AKAP19: variants seen among roughly 807,000 people sequenced by gnomAD.
AKAP19 encodes the protein A-kinase anchoring protein 19, also known as small A-kinase anchoring protein.
the AKAP19 span, among the ~76,000 whole-genome samples, chr2:190,011,000 T>C: frequency 6.6e-6 from 1 of 151,870 alleles, no homozygotes; most frequent in East Asian, 1.9e-4. Flanking sequence ...CAGGTTATGG[T>C]TTGTAAATAT....
At chr2:190,127,767 C>T in the AKAP19 span, among the ~76,000 whole-genome samples, 1 of 151,958 alleles carries the variant, frequency 6.6e-6, no homozygotes, top group Non-Finnish European at 1.5e-5. Flanking sequence ...TTATTTCTCC[C>T]TTCTCTGGCC....
At chr2:190,133,459 T>C in the AKAP19 span, among the ~76,000 whole-genome samples, 1 of 152,148 alleles carries the variant, frequency 6.6e-6, no homozygotes, top group Non-Finnish European at 1.5e-5. Context: ...GGAACTGTTA[T>C]ATACGGTTGC....
chr2:189,895,946 T>C, the AKAP19 span, among the ~76,000 whole-genome samples: 1 of 150,690 alleles, frequency 6.6e-6, no homozygotes, highest in Admixed American at 6.6e-5. Flanking sequence ...GAGACGGAGG[T>C]TGCAGTGAGC....
At chr2:189,909,150 T>C in the AKAP19 span, among the ~76,000 whole-genome samples, 2 of 152,002 alleles carry the variant, frequency 1.3e-5, no homozygotes, top group Admixed American at 1.3e-4. Flanking sequence ...ATTTCAAGTC[T>C]ATTTTGTCTG....
the AKAP19 span, among the ~76,000 whole-genome samples, chr2:189,998,190 CTG>C: frequency 6.6e-6 from 1 of 152,122 alleles, no homozygotes. Context: ...TTCAAAGAAT[CTG>C]TGAATTCTCT....
the AKAP19 span, among the ~76,000 whole-genome samples, chr2:189,937,240 G>A: frequency 6.6e-6 from 1 of 152,218 alleles, no homozygotes; most frequent in Admixed American, 6.5e-5. Context: ...GACTACAAAG[G>A]AACCTGAAGG....
At chr2:189,923,617 A>T in the AKAP19 span, 47 of 1,614,016 alleles carry the variant, frequency 2.9e-5, no homozygotes, top group Non-Finnish European at 3.9e-5. Context: ...ACCGAGGAAA[A>T]GCAGGTGTGA....
At chr2:189,928,328 A>G in the AKAP19 span, among the ~76,000 whole-genome samples, 1 of 152,148 alleles carries the variant, frequency 6.6e-6, no homozygotes, top group Non-Finnish European at 1.5e-5. Context: ...TCATTGATCT[A>G]TTTCCATTGT....
chr2:190,123,423 G>A, the AKAP19 span, among the ~76,000 whole-genome samples: 4 of 152,066 alleles, frequency 2.6e-5, no homozygotes, highest in Admixed American at 6.5e-5. Flanking sequence ...TTGATATTTA[G>A]GTGTGAAGGT....
chr2:189,969,918 G>A, the AKAP19 span, among the ~76,000 whole-genome samples: 28 of 129,562 alleles, frequency 2.2e-4, no homozygotes, highest in African/African-American at 6.4e-4. Context: ...GGTTGCCCAA[G>A]CTGGAGTGCA....
At chr2:189,891,765 T>G in the AKAP19 span, among the ~76,000 whole-genome samples, 1 of 152,260 alleles carries the variant, frequency 6.6e-6, no homozygotes, top group East Asian at 1.9e-4. Flanking sequence ...TTTCCTGGAT[T>G]TGAATGTTGG....
the AKAP19 span, among the ~76,000 whole-genome samples, chr2:189,884,475 G>A: frequency 6.6e-6 from 1 of 152,060 alleles, no homozygotes; most frequent in Admixed American, 6.6e-5. Flanking sequence ...GTCAATAGCT[G>A]TTGTAGAAGA....
At chr2:189,923,774 C>A in the AKAP19 span, 3 of 1,612,942 alleles carry the variant, frequency 1.9e-6, no homozygotes, top group African/African-American at 1.3e-5. Flanking sequence ...GAAACGTCAG[C>A]GTGTATCAGG....
At chr2:190,027,037 A>G in the AKAP19 span, among the ~76,000 whole-genome samples, 555 of 152,344 alleles carry the variant, frequency 3.6e-3, 1 homozygote, top group Non-Finnish European at 6.6e-3. Context: ...AGTCTAATCC[A>G]TGTCCAAAAT....
At chr2:190,201,331 T>C in the AKAP19 span, 1 of 166,866 alleles carries the variant, frequency 6.0e-6, no homozygotes. Context: ...AACAGAAAAT[T>C]TGGGAGGGAG....
chr2:190,113,729 A>G, the AKAP19 span, among the ~76,000 whole-genome samples: 3 of 152,234 alleles, frequency 2.0e-5, no homozygotes, highest in Admixed American at 2.0e-4. Flanking sequence ...ATGACTCCTC[A>G]GAAGTCCCTC....
the AKAP19 span, among the ~76,000 whole-genome samples, chr2:189,980,434 G>A: frequency 5.8e-4 from 89 of 152,236 alleles, 2 homozygotes; most frequent in Admixed American, 5.4e-3. Flanking sequence ...CGCCTCCAAG[G>A]TTCAATTCTC....
chr2:190,126,863 TG>T, the AKAP19 span, among the ~76,000 whole-genome samples: 5 of 152,230 alleles, frequency 3.3e-5, no homozygotes, highest in African/African-American at 1.2e-4. Flanking sequence ...CTCTCAACTT[TG>T]TAAGTTTAAA....
At chr2:190,005,077 T>G in the AKAP19 span, among the ~76,000 whole-genome samples, 1 of 152,156 alleles carries the variant, frequency 6.6e-6, no homozygotes, top group Non-Finnish European at 1.5e-5. Context: ...TTCCAGTGAG[T>G]TCACTGTCTT....
Sources: allele counts gnomAD v4.1 joint callset (sites outside exome capture counted in the v4.1 genomes callset), GRCh38; gene constraint gnomAD v4.1.1; transcripts MANE v1.5; gene names NCBI Gene and HGNC (gene_info 2026-07-23, HGNC 2026-07-21).